PLSCR4: variants seen among roughly 807,000 people sequenced by gnomAD.
PLSCR4 encodes the protein Ca(2+)-dependent phospholipid scramblase 4.
In PLSCR4, 25 loss-of-function variants were observed where a neutral mutation model predicts 36.3. The observed-to-expected ratio is 0.69, with a 90% confidence interval of 0.50 to 0.96. The LOEUF is 0.96. Among genes scored for constraint, PLSCR4 ranks in the 40% least tolerant of loss-of-function variants. The pLI, the probability that PLSCR4 is intolerant of heterozygous loss-of-function variation, is 0.00. For missense variants in PLSCR4, 408 were observed against 414.7 expected, an observed-to-expected ratio of 0.98 and a Z score of 0.14; for synonymous variants, 122 against 132.9, an observed-to-expected ratio of 0.92 and a Z score of 0.56.
chr3:146,223,831 ATATATAT>A (rs1663360895), intron 1 of PLSCR4: 1 of 135,762 alleles, frequency 7.4e-6, no homozygotes, highest in South Asian at 2.2e-4. Flanking sequence ...CTTTTATATA[ATATATAT>A]TATGTAAAAA....
At chr3:146,230,124 A>G (rs1404664523) in intron 1 of PLSCR4, among the ~76,000 whole-genome samples, 1 of 152,148 alleles carries the variant, frequency 6.6e-6, no homozygotes, top group Non-Finnish European at 1.5e-5. Flanking sequence ...TAGGCCCCTA[A>G]GCCTGTGGAG....
At chr3:146,213,142 A>C (rs550004359) in intron 3 of PLSCR4, among the ~76,000 whole-genome samples, 1 of 152,124 alleles carries the variant, frequency 6.6e-6, no homozygotes, top group East Asian at 1.9e-4. Context: ...TTTGTTGAGA[A>C]AGTCCGATTC....
intron 1 of PLSCR4, among the ~76,000 whole-genome samples, chr3:146,240,214 G>T (rs966280975): frequency 4.6e-5 from 7 of 152,006 alleles, no homozygotes; most frequent in Non-Finnish European, 7.4e-5. Context: ...AATGGCCAAA[G>T]AATTTGCACA....
rs574787715 is a variant in PLSCR4 at position 146,247,031 on chromosome 3, T to C, written c.-22+3929A>G. On this transcript the variant is annotated intron_variant, in intron 1 of 8. Transcript: ENST00000354952. ...TTTTATAAAATGGCAATCATCTATA[T>C]ACTTTTCTGTGTCTTTTTCTTTTCA... Among the ~76,000 whole-genome samples the C allele has an allele frequency of 4.1e-3, 621 of 152,298 alleles. 2 individuals are homozygous for C. Among genetic ancestry groups the C allele is most frequent in the African/African-American group, 0.014 (592 of 41,574 alleles).
chr3:146,249,432 A>G (rs1278742817), intron 1 of PLSCR4, among the ~76,000 whole-genome samples: 1 of 152,076 alleles, frequency 6.6e-6, no homozygotes, highest in Non-Finnish European at 1.5e-5. Context: ...GTGATTTAAA[A>G]TGTATGCTTA....
In PLSCR4 at chr3:146,192,395, C is replaced by T. The variant is rs903976222; in HGVS notation, c.*2016G>A. 2.7e-5 allele frequency: 4 copies of T among 150,410 alleles called. No individual in the cohort carries two copies. The highest frequency in any genetic ancestry group is 9.7e-5 in the African/African-American group (4 of 41,128). 9.3% of individuals were successfully genotyped at this position (150,410 alleles called of 1,614,324 possible). ...CATAAAGAATACGAAAAAGCATGAA[C>T]GCACAAATTCCAGAGAATTTGTTTT... is the stretch of plus-strand genomic sequence containing the variant. On this transcript the variant is annotated 3_prime_UTR_variant, in exon 9 of 9. Coordinates refer to ENST00000354952, the MANE Select transcript of PLSCR4 (RefSeq NM_020353.3).
chr3:146,222,786 T>C (rs9880432), intron 1 of PLSCR4, among the ~76,000 whole-genome samples: 55,313 of 151,916 alleles, frequency 0.36, 10,155 homozygotes, highest in African/African-American at 0.41. Flanking sequence ...CTGACCGACA[T>C]CATACAATGA....
rs895686982 is a variant in PLSCR4, at chr3:146,250,944, G to C, written c.-22+16C>G. 1 of 152,788 alleles carries C rather than the reference G, an allele frequency of 6.5e-6. No homozygotes were observed. The highest frequency in any genetic ancestry group is 1.5e-5 in the Non-Finnish European group (1 of 68,556). The allele number at this position is 152,788 out of a possible 1,614,324, so 9.5% of individuals were successfully genotyped here. On this transcript the variant is annotated intron_variant, in intron 1 of 8. Transcript: ENST00000354952. The stretch of plus-strand genomic sequence containing the variant: ...ACCCTGTCCTGCTCTGCGCCCGCCT[G>C]TCCAGCCCCACTCACCGCCTGCCCC...
chr3:146,244,014 C>T (rs1231194871), intron 1 of PLSCR4, among the ~76,000 whole-genome samples: 2 of 152,112 alleles, frequency 1.3e-5, no homozygotes, highest in African/African-American at 4.8e-5. Flanking sequence ...TGAACGCATT[C>T]TCTTTTCACT....
At chr3:146,224,707 G>C (rs1055066627) in intron 1 of PLSCR4, among the ~76,000 whole-genome samples, 4 of 152,020 alleles carry the variant, frequency 2.6e-5, no homozygotes, top group African/African-American at 9.7e-5. Context: ...TGCTGGCTCG[G>C]GCAGCCTGCT....
At position 146,240,696 on chromosome 3, in the gene PLSCR4, T is replaced by C. The variant is rs1219063787; in HGVS notation, c.-22+10264A>G. ...ATAACAACACGTTTTAGGAGAGATA[T>C]GTAGATATCGAAACCTTCATATGTC... is the stretch of plus-strand genomic sequence containing the variant. On this transcript the variant is annotated intron_variant, in intron 1 of 8. Coordinates refer to ENST00000354952, the MANE Select transcript of PLSCR4 (RefSeq NM_020353.3). 3.3e-4 allele frequency among the ~76,000 whole-genome samples: 33 copies of C among 101,012 alleles called. No homozygotes were observed. The Admixed American group carries it at 3.6e-3, about 11-fold the overall frequency. The allele number at this position is 101,012 out of a possible 152,430, so 66.3% of individuals were successfully genotyped here.
intron 1 of PLSCR4, among the ~76,000 whole-genome samples, chr3:146,245,701 C>T (rs1054236785): frequency 4.0e-5 from 6 of 151,270 alleles, no homozygotes; most frequent in Non-Finnish European, 7.4e-5. Flanking sequence ...CTGGAGGAAA[C>T]ATGCTAAGAT....
At chr3:146,235,431 C>T (rs1177031928) in intron 1 of PLSCR4, among the ~76,000 whole-genome samples, 1 of 152,094 alleles carries the variant, frequency 6.6e-6, no homozygotes, top group Non-Finnish European at 1.5e-5. Flanking sequence ...TTTCCTGAGG[C>T]CTCCCCAGAA....
In PLSCR4 at chr3:146,195,168, C is replaced by A; in HGVS notation, c.901G>T (p.Asp301Tyr). The A allele has an allele frequency of 6.2e-7, 1 of 1,613,938 alleles. No homozygotes were observed. The highest frequency in any genetic ancestry group is 8.5e-7 in the Non-Finnish European group (1 of 1,179,880). Reference sequence around the variant, plus strand: ...AAAATCATGGCTTTCATCTTCACATCCAGGTCTAGTGGGAAGTGAATGTCA... The same window carrying A: ...AAAATCATGGCTTTCATCTTCACATACAGGTCTAGTGGGAAGTGAATGTCA... ...HFDIHFPLDL[D>Y]VKMKAMIFGA... Residue 301 changes from aspartate to tyrosine, a missense_variant, in exon 8 of 9, where the codon GAT (aspartate) becomes TAT (tyrosine). By Grantham distance (160) the Asp-to-Tyr change is radical. Transcript: ENST00000354952.
chr3:146,212,461 T>A (rs1377348349), intron 3 of PLSCR4, among the ~76,000 whole-genome samples: 2 of 150,156 alleles, frequency 1.3e-5, no homozygotes, highest in Non-Finnish European at 3.0e-5. Flanking sequence ...TTTGGGTTTT[T>A]TTTTTTTTAG....
chr3:146,248,444 T>G (rs1340451410), intron 1 of PLSCR4, among the ~76,000 whole-genome samples: 1 of 151,924 alleles, frequency 6.6e-6, no homozygotes, highest in African/African-American at 2.4e-5. Context: ...CAGCCTATAT[T>G]CCAAATTATT....
chr3:146,214,754 C>A (rs1165009543), intron 3 of PLSCR4, among the ~76,000 whole-genome samples: 1 of 151,982 alleles, frequency 6.6e-6, no homozygotes, highest in Non-Finnish European at 1.5e-5. Context: ...TATGCTATTA[C>A]GTCTAGAGTG....
chr3:146,199,301 A>G (rs1171856419), intron 6 of PLSCR4, among the ~76,000 whole-genome samples: 1 of 152,112 alleles, frequency 6.6e-6, no homozygotes, highest in Non-Finnish European at 1.5e-5. Flanking sequence ...GAGTAACCAC[A>G]CTGTAACTCA....
intron 1 of PLSCR4, among the ~76,000 whole-genome samples, chr3:146,233,030 C>T (rs543827844): frequency 6.6e-6 from 1 of 152,200 alleles, no homozygotes; most frequent in East Asian, 1.9e-4. Context: ...ATGAAGTTTA[C>T]ATACATCAAT....
Sources: allele counts gnomAD v4.1 joint callset (sites outside exome capture counted in the v4.1 genomes callset), GRCh38; gene constraint gnomAD v4.1.1; transcripts MANE v1.5; gene names NCBI Gene and HGNC (gene_info 2026-07-23, HGNC 2026-07-21).